RCAN2: variants seen among roughly 807,000 people sequenced by gnomAD.
The protein encoded by RCAN2 is regulator of calcineurin 2, also known as calcipressin-2.
Under a neutral mutation model 23.6 loss-of-function variants are expected in RCAN2, and 9 were observed. That is an observed-to-expected ratio of 0.38 (90% confidence interval 0.23 to 0.67). RCAN2 has a LOEUF of 0.67. Ranked by LOEUF, RCAN2 falls within the 30% of genes least tolerant of loss-of-function variation. RCAN2 has a pLI of 0.51. For synonymous variants in RCAN2, 109 were observed against 115.7 expected, an observed-to-expected ratio of 0.94 and a Z score of 0.37; for missense variants, 273 against 302.3, an observed-to-expected ratio of 0.90 and a Z score of 0.72.
intron 2 of RCAN2, among the ~76,000 whole-genome samples, chr6:46,343,652 G>A (rs187084083): frequency 1.3e-5 from 2 of 152,194 alleles, no homozygotes; most frequent in Non-Finnish European, 2.9e-5. Context: ...TGGAATTACA[G>A]GCATGAGCCA....
At chr6:46,263,473 G>A (rs202200266) in intron 2 of RCAN2, among the ~76,000 whole-genome samples, 9 of 69,152 alleles carry the variant, frequency 1.3e-4, no homozygotes, top group Non-Finnish European at 3.0e-4. Flanking sequence ...GTGTGTGTGT[G>A]TATGTGTGTG....
chr6:46,274,357 C>T (rs1025221391), intron 2 of RCAN2, among the ~76,000 whole-genome samples: 4 of 152,156 alleles, frequency 2.6e-5, no homozygotes, highest in African/African-American at 9.6e-5. Context: ...GATTCTTGGC[C>T]TTGGGTTCAA....
At chr6:46,331,015 T>C (rs547212792) in intron 2 of RCAN2, among the ~76,000 whole-genome samples, 1 of 152,344 alleles carries the variant, frequency 6.6e-6, no homozygotes, top group African/African-American at 2.4e-5. Flanking sequence ...GCCTTCATGC[T>C]CAATGCCTAG....
At chr6:46,257,040 T>G (rs1163711759) in intron 2 of RCAN2, among the ~76,000 whole-genome samples, 1 of 152,214 alleles carries the variant, frequency 6.6e-6, no homozygotes, top group Admixed American at 6.5e-5. Flanking sequence ...GATATTGTTA[T>G]GCGGAGAGCA....
chr6:46,351,487 G>A (rs1031193293), intron 2 of RCAN2, among the ~76,000 whole-genome samples: 1 of 152,178 alleles, frequency 6.6e-6, no homozygotes, highest in Non-Finnish European at 1.5e-5. Context: ...GGGATTTGAA[G>A]GAAGCCATGT....
At chr6:46,342,818 T>C (rs768634697) in intron 2 of RCAN2, among the ~76,000 whole-genome samples, 7 of 152,002 alleles carry the variant, frequency 4.6e-5, no homozygotes, top group Non-Finnish European at 8.8e-5. Context: ...TGGGCTAGAA[T>C]AATGGATCAG....
At chr6:46,389,070 G>C (rs1312190058) in intron 2 of RCAN2, among the ~76,000 whole-genome samples, 2 of 151,904 alleles carry the variant, frequency 1.3e-5, no homozygotes, top group Non-Finnish European at 1.5e-5. Context: ...GTACTCTTTG[G>C]GCAACTTTGA....
At chr6:46,228,729 A>T (rs952945759) in intron 4 of RCAN2, among the ~76,000 whole-genome samples, 1 of 152,152 alleles carries the variant, frequency 6.6e-6, no homozygotes, top group African/African-American at 2.4e-5. Flanking sequence ...CTCTTTATCC[A>T]ATTTGCCAGT....
chr6:46,326,619 C>G (rs1482900971), intron 2 of RCAN2, among the ~76,000 whole-genome samples: 1 of 152,198 alleles, frequency 6.6e-6, no homozygotes, highest in African/African-American at 2.4e-5. Flanking sequence ...GGAAAAATTT[C>G]CAATTGTTTT....
At chr6:46,361,700 T>G (rs925664402) in intron 2 of RCAN2, among the ~76,000 whole-genome samples, 2 of 152,196 alleles carry the variant, frequency 1.3e-5, no homozygotes, top group African/African-American at 4.8e-5. Context: ...CTAGATTTAT[T>G]GATATTGGAT....
intron 2 of RCAN2, among the ~76,000 whole-genome samples, chr6:46,257,544 G>A (rs1766959082): frequency 6.6e-6 from 1 of 152,164 alleles, no homozygotes; most frequent in Non-Finnish European, 1.5e-5. Context: ...GCAGGAGAGG[G>A]AAAGAGAGTG....
At chr6:46,471,446 G>A (rs1768556578) in intron 1 of RCAN2, among the ~76,000 whole-genome samples, 1 of 152,170 alleles carries the variant, frequency 6.6e-6, no homozygotes, top group Non-Finnish European at 1.5e-5. Context: ...GGTATTTGCT[G>A]ATGGATCGGA....
At chr6:46,286,515 A>T (rs1762377721) in intron 2 of RCAN2, among the ~76,000 whole-genome samples, 1 of 152,250 alleles carries the variant, frequency 6.6e-6, no homozygotes, top group Non-Finnish European at 1.5e-5. Flanking sequence ...TAGCAGAAAT[A>T]TATGAGAAAG....
At chr6:46,247,038 G>A (rs897930984) in intron 3 of RCAN2, 119 bp from the exon 4 acceptor site, 27 of 780,214 alleles carry the variant, frequency 3.5e-5, no homozygotes, top group Admixed American at 6.4e-5. Context: ...GAACCCGACC[G>A]TAATAATAAT....
intron 2 of RCAN2, among the ~76,000 whole-genome samples, chr6:46,376,118 G>T (rs1324294632): frequency 1.3e-5 from 2 of 152,084 alleles, no homozygotes; most frequent in East Asian, 3.9e-4. Context: ...TCCAGACAAG[G>T]TACACAACGC....
At chr6:46,459,953 A>T (rs1179556682) in intron 1 of RCAN2, among the ~76,000 whole-genome samples, 1 of 152,178 alleles carries the variant, frequency 6.6e-6, no homozygotes, top group Non-Finnish European at 1.5e-5. Flanking sequence ...TATTGCCCAA[A>T]TAAACAGAAG....
chr6:46,359,874 G>C (rs1043950580), intron 2 of RCAN2, among the ~76,000 whole-genome samples: 2 of 152,148 alleles, frequency 1.3e-5, no homozygotes, highest in Admixed American at 1.3e-4. Flanking sequence ...AAAGTTCAGA[G>C]ATCACAAATC....
At chr6:46,410,481 A>C (rs986879645) in intron 2 of RCAN2, among the ~76,000 whole-genome samples, 1 of 152,158 alleles carries the variant, frequency 6.6e-6, no homozygotes, top group Non-Finnish European at 1.5e-5. Flanking sequence ...TGGTGAGAAA[A>C]ATTCAGAGCA....
chr6:46,277,402 A>C lies in RCAN2; in HGVS notation c.226-28506T>G, dbSNP rs139751031. 1.7e-4 allele frequency among the ~76,000 whole-genome samples: 26 copies of C among 152,360 alleles called. No homozygotes were observed. The East Asian group carries it at 5.0e-3, about 29-fold the overall frequency. Reference sequence around the variant, plus strand: ...AAATATTCAAACTAAGACACATTTCAGTGTAAAAGAAGGTGTTGATAATTA... The same window carrying C: ...AAATATTCAAACTAAGACACATTTCCGTGTAAAAGAAGGTGTTGATAATTA... On this transcript the variant is annotated intron_variant, in intron 2 of 4. Transcript: ENST00000371374.
Sources: allele counts gnomAD v4.1 joint callset (sites outside exome capture counted in the v4.1 genomes callset), GRCh38; gene constraint gnomAD v4.1.1; transcripts MANE v1.5; gene names NCBI Gene and HGNC (gene_info 2026-07-23, HGNC 2026-07-21).